SYT14: variants seen among roughly 807,000 people sequenced by gnomAD.
The protein encoded by SYT14 is synaptotagmin 14, also known as synaptotagmin-14.
Under a neutral mutation model 74.2 loss-of-function variants are expected in SYT14, and 32 were observed. The observed-to-expected ratio is 0.43, with a 90% CI of 0.33 to 0.58. The LOEUF (loss-of-function observed/expected upper bound fraction) is 0.58. Among genes scored for constraint, SYT14 ranks in the 20% least tolerant of loss-of-function variants. SYT14 has a pLI of 0.05. For synonymous variants in SYT14, 298 were observed against 337.7 expected, an observed-to-expected ratio of 0.88 and a Z score of 1.29; for missense variants, 791 against 981.8, an observed-to-expected ratio of 0.81 and a Z score of 2.60.
At chr1:210,043,677 A>C (rs2080835363) in intron 5 of SYT14, among the ~76,000 whole-genome samples, 1 of 152,206 alleles carries the variant, frequency 6.6e-6, no homozygotes, top group African/African-American at 2.4e-5. Context: ...AGCAACAAAC[A>C]TAGTATGAGA....
intron 5 of SYT14, among the ~76,000 whole-genome samples, chr1:210,046,901 A>C (rs1448085259): frequency 6.6e-6 from 1 of 152,186 alleles, no homozygotes; most frequent in Non-Finnish European, 1.5e-5. Flanking sequence ...TCTTCACAGC[A>C]TCTCCAGAGT....
At chr1:209,942,723 T>C (rs976237700) in intron 1 of SYT14, among the ~76,000 whole-genome samples, 1 of 152,174 alleles carries the variant, frequency 6.6e-6, no homozygotes, top group Non-Finnish European at 1.5e-5. Context: ...ATGATCTAAC[T>C]TCCTTCCTTC....
chr1:210,043,468 A>G (rs2080831049), intron 5 of SYT14, among the ~76,000 whole-genome samples: 1 of 152,206 alleles, frequency 6.6e-6, no homozygotes, highest in Non-Finnish European at 1.5e-5. Flanking sequence ...GTAAAAAAAA[A>G]TAAGTGCAAG....
intron 2 of SYT14, among the ~76,000 whole-genome samples, chr1:209,968,169 G>A (rs544602292): frequency 6.6e-6 from 1 of 152,250 alleles, no homozygotes; most frequent in South Asian, 2.1e-4. Context: ...GTGACAGAAT[G>A]TAGCCTCATC....
chr1:209,948,893 G>C (rs1336153262), intron 1 of SYT14, among the ~76,000 whole-genome samples: 1 of 152,042 alleles, frequency 6.6e-6, no homozygotes, highest in Non-Finnish European at 1.5e-5. Flanking sequence ...AGTTCATTTT[G>C]GGGGTGATTA....
chr1:210,137,315 C>G (rs1472873537), intron 7 of SYT14, among the ~76,000 whole-genome samples: 1 of 152,156 alleles, frequency 6.6e-6, no homozygotes, highest in Non-Finnish European at 1.5e-5. Flanking sequence ...CAAAAATCAT[C>G]ACCATCCCAC....
chr1:209,955,794 T>G (rs2078982983), intron 2 of SYT14, among the ~76,000 whole-genome samples: 1 of 152,202 alleles, frequency 6.6e-6, no homozygotes, highest in Non-Finnish European at 1.5e-5. Flanking sequence ...CTAAATCACT[T>G]ACATTATGTA....
chr1:210,153,845 T>G (rs1226393771), intron 7 of SYT14, among the ~76,000 whole-genome samples: 2 of 152,228 alleles, frequency 1.3e-5, no homozygotes, highest in African/African-American at 4.8e-5. Flanking sequence ...TTAACATTTT[T>G]TGCTATTAAG....
At chr1:210,153,061 C>A (rs903582065) in intron 7 of SYT14, among the ~76,000 whole-genome samples, 5 of 152,050 alleles carry the variant, frequency 3.3e-5, no homozygotes, top group African/African-American at 1.2e-4. Flanking sequence ...ATGAGTAATG[C>A]TGCTATGGAC....
chr1:210,015,500 A>G (rs2080164252), intron 3 of SYT14, among the ~76,000 whole-genome samples: 1 of 152,224 alleles, frequency 6.6e-6, no homozygotes, highest in African/African-American at 2.4e-5. Flanking sequence ...GCAGGTGTCC[A>G]CACTTCCTCT....
intron 5 of SYT14, among the ~76,000 whole-genome samples, chr1:210,047,202 A>G (rs1026320341): frequency 2.6e-5 from 4 of 152,180 alleles, no homozygotes; most frequent in Non-Finnish European, 4.4e-5. Flanking sequence ...TATGAAAAGG[A>G]TAAAGGTGGC....
chr1:210,073,960 G>A (rs2081442479), intron 5 of SYT14, among the ~76,000 whole-genome samples: 1 of 151,980 alleles, frequency 6.6e-6, no homozygotes, highest in African/African-American at 2.4e-5. Flanking sequence ...TCAAGTTGTT[G>A]ATTGAGTTTA....
rs561069342 is a variant in SYT14 at position 210,052,665 on chromosome 1, C to CAAAAAAAAAAAAAAAAAAAAAAAA, written c.1312+31430_1312+31431insAAAAAAAAAAAAAAAAAAAAAAAA. On this transcript the variant is annotated intron_variant, in intron 5 of 9. Coordinates refer to ENST00000637265, the Ensembl canonical transcript of SYT14. ...CAGCAAGAGCGAAACTACATCTCAC[C>CAAAAAAAAAAAAAAAAAAAAAAAA]AAAAAAAAAAAAAAAAAAAGCTCTC... 2.8e-4 allele frequency among the ~76,000 whole-genome samples: 12 copies of CAAAAAAAAAAAAAAAAAAAAAAAA among 42,264 alleles called. 1 individual carries two copies. Among genetic ancestry groups the CAAAAAAAAAAAAAAAAAAAAAAAA allele is most frequent in the Non-Finnish European group, 3.8e-4 (9 of 23,620 alleles). The allele number at this position is 42,264 out of a possible 152,430, so 27.7% of individuals were successfully genotyped here. A position where few individuals can be genotyped will look rare whatever the true frequency, so the allele number is the denominator to read the frequency against.
chr1:210,125,169 G>A (rs770550311), intron 7 of SYT14, among the ~76,000 whole-genome samples: 7 of 151,898 alleles, frequency 4.6e-5, no homozygotes, highest in Non-Finnish European at 8.8e-5. Context: ...CACCCAAGTA[G>A]TGAGCATAGT....
intron 5 of SYT14, among the ~76,000 whole-genome samples, chr1:210,085,425 A>AT (rs2081706091): frequency 6.6e-6 from 1 of 152,178 alleles, no homozygotes; most frequent in Non-Finnish European, 1.5e-5. Context: ...AGAAGTGGTG[A>AT]TAACAGTCAT....
chr1:210,018,133 A>C (rs1429567658), intron 4 of SYT14, among the ~76,000 whole-genome samples: 3 of 152,116 alleles, frequency 2.0e-5, no homozygotes, highest in Admixed American at 2.0e-4. Context: ...TTTTTCTAGC[A>C]GTTTTTTGTT....
intron 7 of SYT14, among the ~76,000 whole-genome samples, chr1:210,141,521 C>A (rs1343529384): frequency 6.6e-6 from 1 of 152,146 alleles, no homozygotes; most frequent in African/African-American, 2.4e-5. Context: ...AATCTGAATG[C>A]CTTGACAAAG....
At chr1:210,144,139 G>A (rs1455632423) in intron 7 of SYT14, among the ~76,000 whole-genome samples, 1 of 152,140 alleles carries the variant, frequency 6.6e-6, no homozygotes. Context: ...CTGAAATCCA[G>A]TGCAATGTAT....
intron 2 of SYT14, among the ~76,000 whole-genome samples, chr1:209,969,305 T>C (rs534521302): frequency 2.6e-5 from 4 of 152,232 alleles, no homozygotes; most frequent in Admixed American, 2.6e-4. Flanking sequence ...TTTCAAGTTA[T>C]CTGAGAAATC....
Sources: gnomAD v4.1 joint callset for allele counts (sites outside exome capture counted in the v4.1 genomes callset) on GRCh38, gnomAD v4.1.1 for gene constraint, MANE v1.5 for transcripts, NCBI Gene and HGNC (gene_info 2026-07-23, HGNC 2026-07-21) for gene names.